Variants in ITCH observed in about 807,000 individuals in gnomAD.
ITCH encodes the protein itchy E3 ubiquitin protein ligase.
A neutral mutation model predicts 126.8 loss-of-function variants in ITCH; 28 were observed. The observed-to-expected ratio is 0.22, with a 90% CI of 0.16 to 0.30. ITCH has a LOEUF of 0.30. Ranked by LOEUF, ITCH falls within the 10% of genes least tolerant of loss-of-function variation. ITCH has a pLI of 1.00. For synonymous variants in ITCH, 342 were observed against 340.0 expected, an observed-to-expected ratio of 1.01 and a Z score of -0.06; for missense variants, 631 against 1,032.4, an observed-to-expected ratio of 0.61 and a Z score of 5.33.
At chr20:34,461,779 A>G (rs1224401819) in intron 13 of ITCH, among the ~76,000 whole-genome samples, 2 of 151,964 alleles carry the variant, frequency 1.3e-5, no homozygotes, top group African/African-American at 2.4e-5. Flanking sequence ...TGGGGATTGG[A>G]AATAGAGATG....
At chr20:34,475,979 A>C (rs1988179391) in intron 16 of ITCH, 1 of 1,602,692 alleles carries the variant, frequency 6.2e-7, no homozygotes, top group East Asian at 2.2e-5. Context: ...TGTTTCAGGC[A>C]CTCGAACAGT....
At chr20:34,507,033 C>T (rs1600521196) in intron 24 of ITCH, among the ~76,000 whole-genome samples, 1 of 152,144 alleles carries the variant, frequency 6.6e-6, no homozygotes, top group East Asian at 1.9e-4. Context: ...CATAGGTATA[C>T]TGTGGTAGAA....
chr20:34,445,419 T>A lies in ITCH; in HGVS notation c.1098T>A (p.Leu366=). 1.2e-6 allele frequency: 2 copies of A among 1,614,206 alleles called. No homozygotes were observed. The highest frequency in any genetic ancestry group is 1.7e-6 in the Non-Finnish European group (2 of 1,180,044). ...AATGGCAGCTACAGCGTAGTCAGCT[T>A]CAAGGAGCAATGCAGCAGTTTAACC... ...YEQWQLQRSQ[L]QGAMQQFNQR... The change falls in exon 11 of 25, where the codon CTT becomes CTA. Residue 366 remains leucine (L), a synonymous_variant. Transcript: ENST00000374864.
chr20:34,488,233 C>G (rs1989270459), intron 20 of ITCH, among the ~76,000 whole-genome samples: 2 of 148,466 alleles, frequency 1.3e-5, no homozygotes, highest in South Asian at 4.3e-4. Context: ...GTGTGCATCT[C>G]TTGGTGATGC....
In ITCH at chr20:34,445,316, G is replaced by A. The variant is rs1473065586; in HGVS notation, c.995G>A (p.Arg332His). ...GAACGGCGGGTTGACAACATGGGAC[G>A]TATTTATTATGTTGACCATTTCACA... ...GWERRVDNMG[R>H]IYYVDHFTRT... Residue 332 changes from arginine (R) to histidine (H), a missense_variant, in exon 11 of 25, where the codon CGT becomes CAT. Arg to His is a conservative substitution (Grantham distance 29). Transcript: ENST00000374864. 5 of 1,606,358 alleles carry A rather than the reference G, an allele frequency of 3.1e-6. No homozygotes were observed. Among genetic ancestry groups the A allele is most frequent in the African/African-American group, 1.4e-5 (1 of 72,576 alleles).
At chr20:34,388,365 G>A (rs924438024) in intron 2 of ITCH, among the ~76,000 whole-genome samples, 2 of 151,912 alleles carry the variant, frequency 1.3e-5, no homozygotes, top group African/African-American at 4.8e-5. Flanking sequence ...TTTAAATCTT[G>A]TTTGCTTGCT....
chr20:34,462,237 A>G lies in ITCH; in HGVS notation c.1424+16A>G, dbSNP rs758753797. 1.9e-6 allele frequency: 3 copies of G among 1,611,712 alleles called. No homozygotes were observed. Among genetic ancestry groups the G allele is most frequent in the African/African-American group, 1.3e-5 (1 of 74,566 alleles). On this transcript the variant is annotated intron_variant, in intron 14 of 24. Coordinates refer to ENST00000374864, the MANE Select transcript of ITCH (RefSeq NM_031483.7). ...AATCTGCCCTGTAAGTTTTCTAAAC[A>G]TTGTAGATTAAGAGTAAAATACTAG...
At chr20:34,402,565 T>C in intron 3 of ITCH, 1 of 717,520 alleles carries the variant, frequency 1.4e-6, no homozygotes, top group East Asian at 2.6e-5. Context: ...TCCAAGAGTA[T>C]ATGGTTCTCT....
At chr20:34,461,962 A>G (rs1167148658) in intron 13 of ITCH, 131 bp from the exon 14 acceptor site, 1 of 840,190 alleles carries the variant, frequency 1.2e-6, no homozygotes, top group African/African-American at 1.7e-5. Flanking sequence ...TGTCTAGTAT[A>G]CAACTGAATT....
intron 16 of ITCH, among the ~76,000 whole-genome samples, chr20:34,471,981 T>C (rs1269040004): frequency 6.6e-6 from 1 of 152,110 alleles, no homozygotes; most frequent in Non-Finnish European, 1.5e-5. Context: ...ATGTTACTCT[T>C]AACAGGAAAA....
chr20:34,507,669 C>T, intron 24 of ITCH, 26 bp from the exon 25 acceptor site: 1 of 1,572,916 alleles, frequency 6.4e-7, no homozygotes, highest in South Asian at 1.1e-5. Flanking sequence ...ATTTCCTTTT[C>T]TCAAACTAAC....
intron 2 of ITCH, among the ~76,000 whole-genome samples, chr20:34,384,844 A>G (rs1043425152): frequency 6.6e-6 from 1 of 150,670 alleles, no homozygotes; most frequent in Non-Finnish European, 1.5e-5. Flanking sequence ...TTGTATTTTT[A>G]GTAGAGGCGG....
chr20:34,481,315 C>G, intron 20 of ITCH, 109 bp downstream of exon 20: 1 of 1,197,456 alleles, frequency 8.4e-7, no homozygotes. Flanking sequence ...TGTCTCTGTA[C>G]TAATCAATAT....
At chr20:34,451,212 C>T (rs1418630377) in intron 12 of ITCH, among the ~76,000 whole-genome samples, 2 of 151,864 alleles carry the variant, frequency 1.3e-5, no homozygotes, top group Non-Finnish European at 2.9e-5. Context: ...GTCACTTGAA[C>T]CCGGGAGGCG....
chr20:34,413,835 T>TA lies in ITCH; in HGVS notation c.432dup (p.Glu145ArgfsTer3), dbSNP rs2146174303. Reference sequence around the variant, plus strand: ...TCAATTTGTCTTGATGGGCTACAGTTAGAGTCTGAAGTTGTTACCAATGGT... The same window carrying TA: ...TCAATTTGTCTTGATGGGCTACAGTTAAGAGTCTGAAGTTGTTACCAATGGT... On this transcript the variant is annotated frameshift_variant, in exon 6 of 25. Coordinates refer to ENST00000374864, the MANE Select transcript of ITCH (RefSeq NM_031483.7). LOFTEE classifies it high-confidence loss of function. 6.2e-7 allele frequency: 1 copy of TA among 1,613,852 alleles called. No homozygotes were observed. The highest frequency in any genetic ancestry group is 1.1e-5 in the South Asian group (1 of 91,082).
At chr20:34,414,584 A>C (rs1203576264) in intron 6 of ITCH, among the ~76,000 whole-genome samples, 1 of 147,380 alleles carries the variant, frequency 6.8e-6, no homozygotes, top group Non-Finnish European at 1.5e-5. Flanking sequence ...TTCCTGTCTC[A>C]GTCTCCTAAG....
At chr20:34,378,722 T>A (rs1397375742) in intron 2 of ITCH, among the ~76,000 whole-genome samples, 1 of 152,128 alleles carries the variant, frequency 6.6e-6, no homozygotes, top group Non-Finnish European at 1.5e-5. Context: ...GTTCTGCAAT[T>A]AAAAGAGATT....
intron 1 of ITCH, among the ~76,000 whole-genome samples, chr20:34,367,071 C>A (rs753554312): frequency 3.3e-5 from 5 of 151,968 alleles, no homozygotes; most frequent in Non-Finnish European, 5.9e-5. Context: ...AATAATATTG[C>A]CAGGTTATAT....
At position 34,431,118 on chromosome 20, in the gene ITCH, G is replaced by A. The variant is rs146124734; in HGVS notation, c.521+6593G>A. Reference sequence around the variant, plus strand: ...ACCATAGGAAGAGAATGTTTAGAGGGACGGGAGGACCTGGCAGGGCATGGT... The same window carrying A: ...ACCATAGGAAGAGAATGTTTAGAGGAACGGGAGGACCTGGCAGGGCATGGT... On this transcript the variant is annotated intron_variant, in intron 7 of 24. Coordinates refer to ENST00000374864, the MANE Select transcript of ITCH (RefSeq NM_031483.7). Among the ~76,000 whole-genome samples, 209 of 152,208 alleles carry A rather than the reference G, an allele frequency of 1.4e-3. 1 individual carries two copies. Among genetic ancestry groups the A allele is most frequent in the Non-Finnish European group, 2.0e-3 (136 of 67,998 alleles).
Sources: gnomAD v4.1 joint callset for allele counts (sites outside exome capture counted in the v4.1 genomes callset) on GRCh38, gnomAD v4.1.1 for gene constraint, MANE v1.5 for transcripts, NCBI Gene and HGNC (gene_info 2026-07-23, HGNC 2026-07-21) for gene names.